Variants in PRKAR2A observed in about 807,000 individuals in gnomAD.
PRKAR2A encodes the protein cAMP-dependent protein kinase type II-alpha regulatory subunit.
PRKAR2A carries 29 observed loss-of-function variants against 51.9 expected under a neutral mutation model. The ratio of observed to expected loss-of-function variants is 0.56; its 90% CI spans 0.42 to 0.76. The LOEUF is 0.76. PRKAR2A is among the 30% of genes least tolerant of loss of function. The pLI is 0.00. For missense variants in PRKAR2A, 445 were observed against 512.1 expected, an observed-to-expected ratio of 0.87 and a Z score of 1.26; for synonymous variants, 178 against 186.2, an observed-to-expected ratio of 0.96 and a Z score of 0.36.
At chr3:48,826,594 C>G (rs1467974024) in intron 1 of PRKAR2A, among the ~76,000 whole-genome samples, 1 of 152,140 alleles carries the variant, frequency 6.6e-6, no homozygotes, top group Non-Finnish European at 1.5e-5. Flanking sequence ...CTCCAGCCCC[C>G]TTTCTCTCCC....
chr3:48,780,239 G>A (rs1392919266), intron 5 of PRKAR2A, among the ~76,000 whole-genome samples: 1 of 151,914 alleles, frequency 6.6e-6, no homozygotes, highest in Non-Finnish European at 1.5e-5. Flanking sequence ...AAAAGATGAA[G>A]ACAAAAGTCT....
At position 48,751,327 on chromosome 3, in the gene PRKAR2A, G is replaced by T. The variant is rs1559597693; in HGVS notation, c.*258C>A. 1 of 626,644 alleles carries T rather than the reference G, an allele frequency of 1.6e-6. No individual in the cohort carries two copies. The highest frequency in any genetic ancestry group is 2.1e-5 in the Admixed American group (1 of 47,632). 38.8% of individuals were successfully genotyped at this position (626,644 alleles called of 1,614,324 possible). A position where few individuals can be genotyped will look rare whatever the true frequency, so the allele number is the denominator to read the frequency against. Reference sequence around the variant, plus strand: ...GAGAGACATGCCGTTTTGAACCAAAGATATAAAAACTGGGTTGGAGTAATC... The same window carrying T: ...GAGAGACATGCCGTTTTGAACCAAATATATAAAAACTGGGTTGGAGTAATC... On this transcript the variant is annotated 3_prime_UTR_variant, in exon 11 of 11. Coordinates refer to ENST00000265563, the MANE Select transcript of PRKAR2A (RefSeq NM_004157.4).
intron 8 of PRKAR2A, among the ~76,000 whole-genome samples, chr3:48,756,683 T>C (rs567971838): frequency 1.3e-5 from 2 of 152,120 alleles, no homozygotes; most frequent in Non-Finnish European, 2.9e-5. Context: ...GAGTCAGGCA[T>C]GCAGATATAC....
chr3:48,746,142 G>C (rs2081559024), downstream of PRKAR2A, among the ~76,000 whole-genome samples: 1 of 151,884 alleles, frequency 6.6e-6, no homozygotes, highest in South Asian at 2.1e-4. Context: ...GGCTCTCCTG[G>C]GTCTACAGCT....
At chr3:48,822,338 T>C (rs2107407458) in intron 1 of PRKAR2A, among the ~76,000 whole-genome samples, 1 of 152,190 alleles carries the variant, frequency 6.6e-6, no homozygotes, top group African/African-American at 2.4e-5. Flanking sequence ...AGCTGTTTAA[T>C]GTGTCCCTGG....
rs771017450 is a variant in PRKAR2A at position 48,772,945 on chromosome 3, TC to T, written c.696+9del. Reference sequence around the variant, plus strand: ...TGTGCCTTGCAAGGGGAACGATTTCTCTCACTCACCAGTCCCCAAAGGGAGC... The same window carrying T: ...TGTGCCTTGCAAGGGGAACGATTTCTTCACTCACCAGTCCCCAAAGGGAGC... On this transcript the variant is annotated intron_variant, in intron 6 of 10. Coordinates refer to ENST00000265563, the MANE Select transcript of PRKAR2A (RefSeq NM_004157.4). The T allele has an allele frequency of 4.4e-6, 7 of 1,607,346 alleles. No homozygotes were observed. Among genetic ancestry groups the T allele is most frequent in the Non-Finnish European group, 5.1e-6 (6 of 1,176,662 alleles).
chr3:48,804,682 CAA>C (rs1180159614), intron 2 of PRKAR2A, among the ~76,000 whole-genome samples: 3 of 152,006 alleles, frequency 2.0e-5, no homozygotes, highest in African/African-American at 7.2e-5. Flanking sequence ...ACTGAAATGA[CAA>C]AGAGTTGCAA....
At chr3:48,826,951 G>C (rs1463785826) in intron 1 of PRKAR2A, among the ~76,000 whole-genome samples, 1 of 150,724 alleles carries the variant, frequency 6.6e-6, no homozygotes, top group African/African-American at 2.4e-5. Context: ...CATAGAAAAA[G>C]ATATCCAAGG....
At chr3:48,762,189 C>T (rs554333598) in intron 8 of PRKAR2A, among the ~76,000 whole-genome samples, 6 of 151,984 alleles carry the variant, frequency 3.9e-5, no homozygotes, top group East Asian at 3.9e-4. Flanking sequence ...AAGGCCAAGG[C>T]GGGCAGATGG....
At chr3:48,796,483 C>T (rs971885913) in intron 2 of PRKAR2A, among the ~76,000 whole-genome samples, 3 of 152,106 alleles carry the variant, frequency 2.0e-5, no homozygotes, top group African/African-American at 7.2e-5. Context: ...GCTCTTTTTG[C>T]TTTCTCTACG....
At chr3:48,820,401 T>G (rs2082942361) in intron 1 of PRKAR2A, among the ~76,000 whole-genome samples, 2 of 152,134 alleles carry the variant, frequency 1.3e-5, no homozygotes, top group Admixed American at 1.3e-4. Context: ...TAGGAAACAT[T>G]TGGGGATTGC....
chr3:48,798,096 G>A (rs1208089642), intron 2 of PRKAR2A, among the ~76,000 whole-genome samples: 6 of 152,026 alleles, frequency 3.9e-5, no homozygotes, highest in Non-Finnish European at 8.8e-5. Flanking sequence ...GGGATTACAG[G>A]TGCCCGCCAC....
chr3:48,759,467 A>G (rs1267937682), intron 8 of PRKAR2A, among the ~76,000 whole-genome samples: 1 of 151,478 alleles, frequency 6.6e-6, no homozygotes, highest in African/African-American at 2.4e-5. Flanking sequence ...GCTCACCACA[A>G]CTTCTACCTC....
intron 2 of PRKAR2A, among the ~76,000 whole-genome samples, chr3:48,806,020 T>C (rs2082671794): frequency 6.6e-6 from 1 of 152,086 alleles, no homozygotes; most frequent in South Asian, 2.1e-4. Flanking sequence ...TAACTAATCT[T>C]TCAGAGGAAA....
chr3:48,802,501 CA>C (rs2082606186), intron 2 of PRKAR2A, among the ~76,000 whole-genome samples: 1 of 151,598 alleles, frequency 6.6e-6, no homozygotes, highest in Admixed American at 6.6e-5. Flanking sequence ...GCCAGGCATT[CA>C]AGGCCAGCCT....
chr3:48,773,595 C>T (rs1237281340), intron 5 of PRKAR2A, among the ~76,000 whole-genome samples: 1 of 151,956 alleles, frequency 6.6e-6, no homozygotes, highest in African/African-American at 2.4e-5. Flanking sequence ...GCCTCAGCCT[C>T]CTAAAGTGCT....
intron 1 of PRKAR2A, among the ~76,000 whole-genome samples, chr3:48,812,344 A>G (rs1388464513): frequency 6.6e-6 from 1 of 152,154 alleles, no homozygotes; most frequent in African/African-American, 2.4e-5. Context: ...CTTATAATCT[A>G]ATTGTGACTA....
intron 5 of PRKAR2A, among the ~76,000 whole-genome samples, chr3:48,776,341 TAA>T (rs984923062): frequency 6.6e-6 from 1 of 152,110 alleles, no homozygotes; most frequent in African/African-American, 2.4e-5. Context: ...CCAAAAGAGA[TAA>T]TCAAAGATAC....
intron 8 of PRKAR2A, among the ~76,000 whole-genome samples, chr3:48,763,650 T>C (rs187900884): frequency 3.6e-4 from 55 of 152,342 alleles, no homozygotes; most frequent in Non-Finnish European, 4.4e-5. Flanking sequence ...AATATTGTTT[T>C]CTTGCTCTGA....
Sources: allele counts gnomAD v4.1 joint callset (sites outside exome capture counted in the v4.1 genomes callset), GRCh38; gene constraint gnomAD v4.1.1; transcripts MANE v1.5; gene names NCBI Gene and HGNC (gene_info 2026-07-23, HGNC 2026-07-21).